Variants in SUPT3H observed in about 807,000 individuals in gnomAD.
The protein encoded by SUPT3H is transcription initiation protein SPT3 homolog.
Under a neutral mutation model 44.3 loss-of-function variants are expected in SUPT3H, and 44 were observed. That is an observed-to-expected ratio of 0.99 (90% CI 0.78 to 1.28). The LOEUF (loss-of-function observed/expected upper bound fraction) is 1.28. Ranked by LOEUF, SUPT3H falls within the 50% of genes most tolerant of loss-of-function variation. The pLI is 0.00. For missense variants in SUPT3H, 380 were observed against 387.1 expected (o/e 0.98, Z 0.15); for synonymous variants, 124 against 125.6 (o/e 0.99, Z 0.09).
chr6:45,068,985 A>AT (rs1021002747), intron 3 of SUPT3H, among the ~76,000 whole-genome samples: 3 of 151,752 alleles, frequency 2.0e-5, no homozygotes, highest in Middle Eastern at 3.4e-3. Flanking sequence ...TGCAAAAAAA[A>AT]AAAAATAAAA....
chr6:44,815,069 GA>G (rs1336301517), intron 11 of SUPT3H, among the ~76,000 whole-genome samples: 2 of 152,068 alleles, frequency 1.3e-5, no homozygotes, highest in African/African-American at 2.4e-5. Flanking sequence ...TGTACTTTAT[GA>G]ACATATTGTG....
intron 2 of SUPT3H, among the ~76,000 whole-genome samples, chr6:45,249,660 T>G (rs932649726): frequency 1.3e-5 from 2 of 152,120 alleles, no homozygotes; most frequent in African/African-American, 4.8e-5. Context: ...CATTGTAAAT[T>G]GTTAAAGGAA....
intron 10 of SUPT3H, among the ~76,000 whole-genome samples, chr6:44,843,923 A>ACACG (rs762453088): frequency 3.6e-4 from 13 of 35,798 alleles, no homozygotes; most frequent in African/African-American, 8.2e-4. Context: ...ACACACACAC[A>ACACG]CACGCACACA....
At chr6:44,841,016 T>C (rs1244239394) in intron 10 of SUPT3H, among the ~76,000 whole-genome samples, 11 of 152,320 alleles carry the variant, frequency 7.2e-5, no homozygotes, top group Non-Finnish European at 1.6e-4. Flanking sequence ...ATGAAAGTAT[T>C]ATCTCTCTGT....
chr6:45,269,083 C>T (rs1011215085), intron 2 of SUPT3H, among the ~76,000 whole-genome samples: 6 of 152,080 alleles, frequency 3.9e-5, no homozygotes, highest in African/African-American at 1.4e-4. Context: ...ACTCCAATCA[C>T]CACAGCTAGT....
At chr6:44,815,588 A>G (rs1766857850) in intron 11 of SUPT3H, among the ~76,000 whole-genome samples, 1 of 152,164 alleles carries the variant, frequency 6.6e-6, no homozygotes, top group African/African-American at 2.4e-5. Context: ...AAAAAGGAAA[A>G]TTAAGAATGC....
intron 10 of SUPT3H, among the ~76,000 whole-genome samples, chr6:44,928,816 G>A (rs1257843545): frequency 7.0e-6 from 1 of 143,726 alleles, no homozygotes; most frequent in South Asian, 2.2e-4. Context: ...CTGGGAGGCG[G>A]AGCTTGCAGT....
chr6:44,876,769 C>A, intron 10 of SUPT3H, among the ~76,000 whole-genome samples: 1 of 88,842 alleles, frequency 1.1e-5, no homozygotes, highest in Non-Finnish European at 2.4e-5. Flanking sequence ...AATGAAAACA[C>A]AAAAGCAAAA....
chr6:45,022,383 A>C (rs945079742), intron 3 of SUPT3H, among the ~76,000 whole-genome samples: 1 of 150,766 alleles, frequency 6.6e-6, no homozygotes, highest in Non-Finnish European at 1.5e-5. Flanking sequence ...TAGAAAATAA[A>C]GACACAGAAG....
intron 3 of SUPT3H, among the ~76,000 whole-genome samples, chr6:45,029,479 T>C (rs966924957): frequency 1.3e-5 from 2 of 151,812 alleles, no homozygotes; most frequent in Non-Finnish European, 2.9e-5. Context: ...AATAACTATA[T>C]ATTTACTGTA....
At chr6:44,933,228 AC>A (rs1409482639) in intron 9 of SUPT3H, among the ~76,000 whole-genome samples, 1 of 152,220 alleles carries the variant, frequency 6.6e-6, no homozygotes, top group Non-Finnish European at 1.5e-5. Context: ...TATTTATCAT[AC>A]CTGGGATTGT....
chr6:45,054,972 T>C (rs1179394667), intron 3 of SUPT3H, among the ~76,000 whole-genome samples: 1 of 152,012 alleles, frequency 6.6e-6, no homozygotes, highest in Admixed American at 6.6e-5. Flanking sequence ...CCAGGGGTAA[T>C]CACTAAAAAG....
intron 10 of SUPT3H, among the ~76,000 whole-genome samples, chr6:44,841,224 T>C (rs950477303): frequency 6.6e-6 from 1 of 152,248 alleles, no homozygotes; most frequent in Non-Finnish European, 1.5e-5. Context: ...TTAGTTGTTA[T>C]ATGAATTAAT....
chr6:44,928,396 T>C lies in SUPT3H; in HGVS notation c.912+4257A>G, dbSNP rs1212096465. Among the ~76,000 whole-genome samples the C allele has an allele frequency of 2.6e-5, 4 of 152,196 alleles. No individual in the cohort carries two copies. In the South Asian group the frequency reaches 8.3e-4, roughly 32 times the overall value. ...CTCTAAAGGTTCTTTAGAGTGTGTA[T>C]ACAGAAAGTGAGGTACGGTGGGCAC... On this transcript the variant is annotated intron_variant, in intron 10 of 10. Transcript: ENST00000371459.
At chr6:45,077,321 A>G (rs377530971) in intron 3 of SUPT3H, among the ~76,000 whole-genome samples, 1 of 152,096 alleles carries the variant, frequency 6.6e-6, no homozygotes, top group Non-Finnish European at 1.5e-5. Flanking sequence ...TTTGCTTATG[A>G]TAGGTGTTTA....
intron 6 of SUPT3H, among the ~76,000 whole-genome samples, chr6:44,995,099 T>C (rs1481640463): frequency 1.3e-5 from 2 of 151,986 alleles, no homozygotes; most frequent in African/African-American, 4.8e-5. Context: ...CATCTTCAAA[T>C]TGGAACAGCA....
At position 45,367,894 on chromosome 6, in the gene SUPT3H, A is replaced by G. The variant is rs141217829; in HGVS notation, c.1-2593T>C. Among the ~76,000 whole-genome samples the G allele has an allele frequency of 7.6e-4, 116 of 152,296 alleles. No homozygotes were observed. In the East Asian group the frequency reaches 0.022, roughly 29 times the overall value. On this transcript the variant is annotated intron_variant, in intron 1 of 10. Transcript: ENST00000371459. ...ACATTTTTCTTGACATGATGAGCTG[A>G]TAGGTCATTAGACTCTTTAAAATAA...
chr6:45,108,305 G>T (rs918759424), intron 2 of SUPT3H, among the ~76,000 whole-genome samples: 2 of 152,154 alleles, frequency 1.3e-5, no homozygotes, highest in Non-Finnish European at 2.9e-5. Context: ...GTGAAACCCT[G>T]TTTCTACTAA....
At position 44,961,734 on chromosome 6, in the gene SUPT3H, A is replaced by G. The variant is rs765294366; in HGVS notation, c.580+19T>C. 2 of 1,584,714 alleles carry G rather than the reference A, an allele frequency of 1.3e-6. No individual in the cohort carries two copies. The highest frequency in any genetic ancestry group is 1.7e-6 in the Non-Finnish European group (2 of 1,160,586). ...AATCTCTTATGCATATAATTAAGCA[A>G]AGTTAAATAGTTACTTACAGAAACT... On this transcript the variant is annotated intron_variant, in intron 7 of 10. Transcript: ENST00000371459.
Sources: gnomAD v4.1 joint callset for allele counts (sites outside exome capture counted in the v4.1 genomes callset) on GRCh38, gnomAD v4.1.1 for gene constraint, MANE v1.5 for transcripts, NCBI Gene and HGNC (gene_info 2026-07-23, HGNC 2026-07-21) for gene names.